Variants in ZNF658 observed in about 807,000 individuals in gnomAD.
The protein encoded by ZNF658 is zinc finger protein 658.
A neutral mutation model predicts 78.0 loss-of-function variants in ZNF658; 46 were observed. The ratio of observed to expected loss-of-function variants is 0.59; its 90% CI spans 0.47 to 0.75. The LOEUF (loss-of-function observed/expected upper bound fraction) is 0.75, where lower values mean the gene tolerates loss of function less well. Among genes scored for constraint, ZNF658 ranks in the 30% least tolerant of loss-of-function variants. The pLI, the probability that ZNF658 is intolerant of heterozygous loss-of-function variation, is 0.00. For synonymous variants in ZNF658, 279 were observed against 408.4 expected (o/e 0.68, Z 3.82); for missense variants, 785 against 1,189.3 (o/e 0.66, Z 5.00).
chr9:66,928,721 G>T (rs1822610465), intron 6 of ZNF658, among the ~76,000 whole-genome samples: 1 of 147,932 alleles, frequency 6.8e-6, no homozygotes, highest in African/African-American at 2.5e-5. Flanking sequence ...ATAGCCAGGA[G>T]ATTTACAATA....
intron 4 of ZNF658, among the ~76,000 whole-genome samples, chr9:66,915,086 CACACACAT>C (rs1197778869): frequency 5.9e-4 from 79 of 134,414 alleles, no homozygotes; most frequent in African/African-American, 7.9e-4. Context: ...CACACACACA[CACACACAT>C]ACACATATAT....
downstream of ZNF658, chr9:66,921,469 T>C (rs1202902884): frequency 6.6e-6 from 1 of 150,386 alleles, no homozygotes; most frequent in Non-Finnish European, 1.5e-5. Flanking sequence ...AATATGTCAG[T>C]TTTAGAATTG....
chr9:66,927,414 G>T (rs145012347), intron 6 of ZNF658, among the ~76,000 whole-genome samples: 1,938 of 152,192 alleles, frequency 0.013, 46 homozygotes, highest in African/African-American at 0.044. Flanking sequence ...AATACACGAT[G>T]GTGCATTTAC....
At chr9:66,900,911 A>G (rs922179470) in intron 1 of ZNF658, 75 bp downstream of exon 1, 31 of 152,166 alleles carry the variant, frequency 2.0e-4, no homozygotes, top group African/African-American at 5.8e-4. Flanking sequence ...GGAGGACAGC[A>G]GCAGGCAGTC....
chr9:66,930,312 A>G (rs1328646032), intron 6 of ZNF658, among the ~76,000 whole-genome samples: 1 of 144,762 alleles, frequency 6.9e-6, no homozygotes, highest in African/African-American at 2.5e-5. Context: ...GTTTCCAACA[A>G]GAGTGTCACA....
At position 66,918,678 on chromosome 9, in the gene ZNF658, A is replaced by T. The variant is rs1423203643; in HGVS notation, c.1112A>T (p.His371Leu). ...TACCAGAAATTAGACTTTACAGCAC[A>T]TCAGAGAATTCACACAGAAGATAAA... ...ALYQKLDFTAHQRIHTEDKFY... is the reference protein window; with the variant it reads ...ALYQKLDFTALQRIHTEDKFY... Residue 371 changes from histidine to leucine, a missense_variant, in exon 5 of 5, where the codon CAT becomes CTT. By Grantham distance (99) the His-to-Leu change is moderately conservative. Around this residue, in one of 12 missense-constraint regions of ZNF658, gnomAD observed 393 missense variants for 400.2 expected, o/e 0.98. Transcript: ENST00000621410. The T allele has an allele frequency of 6.2e-7, 1 of 1,613,922 alleles. No individual in the cohort carries two copies. The highest frequency in any genetic ancestry group is 2.2e-5 in the East Asian group (1 of 44,864).
At chr9:66,917,340 G>A (rs1308007764) in intron 4 of ZNF658, among the ~76,000 whole-genome samples, 7 of 148,760 alleles carry the variant, frequency 4.7e-5, no homozygotes, top group Admixed American at 4.1e-4. Context: ...AAACAGCATG[G>A]ATGAGGAGAG....
chr9:66,925,625 G>A (rs1444948814), downstream of ZNF658, among the ~76,000 whole-genome samples: 6 of 152,040 alleles, frequency 3.9e-5, no homozygotes, highest in African/African-American at 1.4e-4. Flanking sequence ...CAAAGCCTCC[G>A]ACCTGATGAC....
At chr9:66,929,458 A>G (rs1822618716) in intron 6 of ZNF658, among the ~76,000 whole-genome samples, 1 of 145,384 alleles carries the variant, frequency 6.9e-6, no homozygotes, top group Non-Finnish European at 1.5e-5. Context: ...TTGTCTCTTA[A>G]GCACTGAAGG....
At chr9:66,914,187 T>C (rs1822280404) in intron 4 of ZNF658, among the ~76,000 whole-genome samples, 1 of 151,084 alleles carries the variant, frequency 6.6e-6, no homozygotes, top group Non-Finnish European at 1.5e-5. Flanking sequence ...TATTTACTGT[T>C]TCTTTGATTT....
intron 2 of ZNF658, among the ~76,000 whole-genome samples, chr9:66,906,184 A>G (rs1372965867): frequency 7.1e-6 from 1 of 140,468 alleles, no homozygotes; most frequent in Admixed American, 7.4e-5. Flanking sequence ...GTGCTGGGGC[A>G]TTCCTTCAAC....
chr9:66,925,700 C>CA (rs1156841950), downstream of ZNF658, among the ~76,000 whole-genome samples: 22 of 152,088 alleles, frequency 1.4e-4, no homozygotes, highest in East Asian at 3.9e-3. Context: ...AAACCCTTCC[C>CA]AAAAAATCAA....
At chr9:66,923,444 A>C (rs922344581), downstream of ZNF658, among the ~76,000 whole-genome samples, 1 of 115,148 alleles carries the variant, frequency 8.7e-6, no homozygotes, top group Non-Finnish European at 1.8e-5. Context: ...CAGGAACAAC[A>C]CTTCGCACCC....
intron 4 of ZNF658, among the ~76,000 whole-genome samples, chr9:66,912,191 GA>G (rs1373181655): frequency 4.5e-5 from 5 of 111,294 alleles, no homozygotes; most frequent in Admixed American, 2.8e-4. Context: ...ATCTTAGATA[GA>G]TGACACTGGA....
chr9:66,921,484 T>TA (rs1320797934), downstream of ZNF658: 3 of 151,002 alleles, frequency 2.0e-5, no homozygotes, highest in African/African-American at 7.3e-5. Flanking sequence ...GAATTGGAGA[T>TA]AAAATATTCA....
rs1250741141 is a variant in ZNF658, at chr9:66,920,775, T to C, written c.*29T>C. On this transcript the variant is annotated 3_prime_UTR_variant, in exon 5 of 5. Transcript: ENST00000621410. Reference sequence around the variant, plus strand: ...AATGCATACCTTACCACATAACACGTAGTGCAGAAACTCATGTGACATAGG... The same window carrying C: ...AATGCATACCTTACCACATAACACGCAGTGCAGAAACTCATGTGACATAGG... The C allele has an allele frequency of 1.4e-6, 1 of 703,990 alleles. No individual in the cohort carries two copies. The highest frequency in any genetic ancestry group is 2.5e-5 in the East Asian group (1 of 40,266). The allele number at this position is 703,990 out of a possible 1,614,324, so 43.6% of individuals were successfully genotyped here.
Position 66,917,842 on chromosome 9 carries a change from A to G in ZNF658, c.276A>G (p.Glu92=), listed in dbSNP as rs755738696. The G allele has an allele frequency of 1.7e-5, 26 of 1,524,880 alleles. No homozygotes were observed. In the Admixed American group the frequency reaches 1.8e-4, roughly 10 times the overall value. The allele number at this position is 1,524,880 out of a possible 1,614,324, so 94.5% of individuals were successfully genotyped here. A position where few individuals can be genotyped will look rare whatever the true frequency, so the allele number is the denominator to read the frequency against. ...FKVDHIKGIR[E]KQEKPLWQEI... ...TTGATCACATCAAAGGGATCCGGGA[A>G]AAACAAGAAAAACCTCTGTGGCAAG... The change falls in exon 5 of 5, where the codon GAA becomes GAG. Residue 92 remains glutamate, a synonymous_variant. Transcript: ENST00000621410.
At chr9:66,925,588 CAGTAATAAAAAA>C (rs1011021371), downstream of ZNF658, among the ~76,000 whole-genome samples, 36 of 152,018 alleles carry the variant, frequency 2.4e-4, no homozygotes, top group African/African-American at 7.0e-4. Flanking sequence ...GAGATCAAAT[CAGTAATAAAAAA>C]AACTCCCAAC....
chr9:66,910,850 A>G (rs1339297102), intron 4 of ZNF658, among the ~76,000 whole-genome samples: 4 of 149,226 alleles, frequency 2.7e-5, no homozygotes, highest in African/African-American at 7.5e-5. Flanking sequence ...ATAAAGATAA[A>G]ATAATGTAGA....
Sources: gnomAD v4.1 joint callset for allele counts (sites outside exome capture counted in the v4.1 genomes callset) on GRCh38, gnomAD v4.1.1 for gene constraint, gnomAD v4.1.1 regional missense constraint, MANE v1.5 for transcripts, NCBI Gene and HGNC (gene_info 2026-07-23, HGNC 2026-07-21) for gene names.